The following CDKAL1 variants were observed in gnomAD, a reference collection of about 807,000 sequenced individuals.
The protein encoded by CDKAL1 is CDKAL1 threonylcarbamoyladenosine tRNA methylthiotransferase.
A neutral mutation model predicts 68.2 loss-of-function variants in CDKAL1; 32 were observed. That is an observed-to-expected ratio of 0.47 (90% CI 0.35 to 0.63). The LOEUF is 0.63. Among genes scored for constraint, CDKAL1 ranks in the 30% least tolerant of loss-of-function variants. The pLI is 0.00. For synonymous variants in CDKAL1, 234 were observed against 244.3 expected (o/e 0.96, Z 0.39); for missense variants, 606 against 696.7 (o/e 0.87, Z 1.47).
intron 9 of CDKAL1, among the ~76,000 whole-genome samples, chr6:20,930,538 A>G (rs954707623): frequency 1.3e-5 from 2 of 152,242 alleles, no homozygotes; most frequent in Non-Finnish European, 2.9e-5. Flanking sequence ...CGTATTTCCA[A>G]AGGCAATGGC....
At chr6:20,831,080 C>T (rs185013449) in intron 8 of CDKAL1, among the ~76,000 whole-genome samples, 143 of 152,066 alleles carry the variant, frequency 9.4e-4, no homozygotes, top group Non-Finnish European at 1.6e-3. Flanking sequence ...CAAGTAATTG[C>T]GGTTTCATAC....
At chr6:20,844,956 G>A (rs1201540307) in intron 8 of CDKAL1, among the ~76,000 whole-genome samples, 2 of 152,132 alleles carry the variant, frequency 1.3e-5, no homozygotes, top group Non-Finnish European at 2.9e-5. Context: ...AAGAGTGTTA[G>A]CAGTTCAAGA....
chr6:20,844,344 T>C (rs1778290812), intron 8 of CDKAL1, among the ~76,000 whole-genome samples: 1 of 152,218 alleles, frequency 6.6e-6, no homozygotes, highest in Non-Finnish European at 1.5e-5. Context: ...TGCATGTTTA[T>C]GCAGCTAAGA....
At chr6:21,010,496 A>G (rs1411030248) in intron 11 of CDKAL1, among the ~76,000 whole-genome samples, 2 of 152,156 alleles carry the variant, frequency 1.3e-5, no homozygotes, top group Admixed American at 1.3e-4. Context: ...TGCAGGCACA[A>G]GGAGAAAGAG....
At chr6:21,170,437 C>G (rs1039761477) in intron 13 of CDKAL1, among the ~76,000 whole-genome samples, 5 of 152,080 alleles carry the variant, frequency 3.3e-5, no homozygotes, top group Admixed American at 1.3e-4. Flanking sequence ...TCAAGTGATT[C>G]TCCTGCCTTA....
chr6:21,062,262 A>G (rs186675466), intron 11 of CDKAL1, among the ~76,000 whole-genome samples: 1 of 152,164 alleles, frequency 6.6e-6, no homozygotes, highest in East Asian at 1.9e-4. Flanking sequence ...ATTTTTAAAA[A>G]TTTTCTAGGA....
chr6:20,786,698 C>T (rs1775690390), intron 8 of CDKAL1, among the ~76,000 whole-genome samples: 1 of 151,826 alleles, frequency 6.6e-6, no homozygotes, highest in African/African-American at 2.4e-5. Flanking sequence ...GAGGTTTCAC[C>T]GTATTAACCA....
chr6:20,935,282 A>G lies in CDKAL1; in HGVS notation c.743-20137A>G, dbSNP rs373464267. Among the ~76,000 whole-genome samples the G allele has an allele frequency of 1.6e-3, 249 of 152,286 alleles. 7 individuals are homozygous for G. The South Asian group carries it at 0.05, about 30-fold the overall frequency. ...GCTTTGTAATTTATAATGAACTTTT[A>G]GCCTTCTCTAAGTGGAAATTATTAT... On this transcript the variant is annotated intron_variant, in intron 9 of 15. Transcript: ENST00000274695.
At chr6:20,867,154 A>T (rs1759952204) in intron 9 of CDKAL1, among the ~76,000 whole-genome samples, 1 of 152,168 alleles carries the variant, frequency 6.6e-6, no homozygotes, top group Non-Finnish European at 1.5e-5. Flanking sequence ...CATTTATTTG[A>T]TGAGGGAGCT....
At chr6:20,588,000 G>A (rs1360751592) in intron 4 of CDKAL1, among the ~76,000 whole-genome samples, 1 of 151,998 alleles carries the variant, frequency 6.6e-6, no homozygotes, top group Non-Finnish European at 1.5e-5. Context: ...AGGAGGTTGA[G>A]TGGGAGGATG....
intron 13 of CDKAL1, among the ~76,000 whole-genome samples, chr6:21,177,235 G>A (rs914477641): frequency 1.3e-5 from 2 of 152,048 alleles, no homozygotes; most frequent in Admixed American, 1.3e-4. Context: ...TTAAAGTTAG[G>A]TCTCTTGTTT....
In CDKAL1 at chr6:20,548,664, A is replaced by G; in HGVS notation, c.245A>G (p.Tyr82Cys). The change falls in exon 4 of 16, where the codon TAT (tyrosine) becomes TGT (cysteine). Residue 82 changes from tyrosine (Y) to cysteine (C), a missense_variant. Physicochemically the swap from Tyr to Cys is radical, Grantham distance 194. Coordinates refer to ENST00000274695, the MANE Select transcript of CDKAL1 (RefSeq NM_017774.3). ...GCSHNNSDGE[Y>C]MAGQLAAYGY... ...TCTCATAATAATTCAGATGGAGAATATATGGCTGGACAGCTAGCTGCTTAT... is the reference window on the plus strand; with the variant it reads ...TCTCATAATAATTCAGATGGAGAATGTATGGCTGGACAGCTAGCTGCTTAT... 1 of 1,595,780 alleles carries G rather than the reference A, an allele frequency of 6.3e-7. No individual in the cohort carries two copies. Among genetic ancestry groups the G allele is most frequent in the Non-Finnish European group, 8.6e-7 (1 of 1,164,930 alleles).
chr6:21,047,338 C>T (rs1770295707), intron 11 of CDKAL1, among the ~76,000 whole-genome samples: 3 of 152,114 alleles, frequency 2.0e-5, no homozygotes, highest in Admixed American at 2.0e-4. Context: ...TGATAGTATC[C>T]CCTTTTCCTA....
At chr6:20,733,385 A>G (rs1461061264) in intron 5 of CDKAL1, among the ~76,000 whole-genome samples, 4 of 152,188 alleles carry the variant, frequency 2.6e-5, no homozygotes, top group Non-Finnish European at 5.9e-5. Flanking sequence ...ACATGAACAA[A>G]TTGTAGAATG....
chr6:21,094,797 C>CTTTTATAT (rs1773236239), intron 12 of CDKAL1, among the ~76,000 whole-genome samples: 1 of 152,114 alleles, frequency 6.6e-6, no homozygotes, highest in East Asian at 1.9e-4. Flanking sequence ...TGAATGAATG[C>CTTTTATAT]TTATTAAAAT....
intron 5 of CDKAL1, among the ~76,000 whole-genome samples, chr6:20,730,210 A>C (rs916179053): frequency 3.3e-5 from 5 of 151,952 alleles, no homozygotes; most frequent in African/African-American, 1.2e-4. Context: ...CTGTAGTCCT[A>C]GCTACTTGGG....
At chr6:21,144,327 A>G (rs1776060168) in intron 13 of CDKAL1, among the ~76,000 whole-genome samples, 1 of 152,226 alleles carries the variant, frequency 6.6e-6, no homozygotes. Context: ...TGCAAATGTT[A>G]TATTCCCTGC....
At chr6:20,961,062 G>C (rs969471288) in intron 10 of CDKAL1, among the ~76,000 whole-genome samples, 1 of 152,134 alleles carries the variant, frequency 6.6e-6, no homozygotes, top group Non-Finnish European at 1.5e-5. Flanking sequence ...TGGCTGATAG[G>C]GAAAAGATGT....
intron 13 of CDKAL1, among the ~76,000 whole-genome samples, chr6:21,110,335 C>T (rs532640421): frequency 6.6e-6 from 1 of 152,280 alleles, no homozygotes; most frequent in East Asian, 1.9e-4. Context: ...AATATTGTCT[C>T]TCACTGATTG....
Sources: gnomAD v4.1 joint callset for allele counts (sites outside exome capture counted in the v4.1 genomes callset) on GRCh38, gnomAD v4.1.1 for gene constraint, MANE v1.5 for transcripts, NCBI Gene and HGNC (gene_info 2026-07-23, HGNC 2026-07-21) for gene names.